Variants in TRHDE observed in about 807,000 individuals in gnomAD.
TRHDE encodes the protein thyrotropin-releasing hormone-degrading ectoenzyme.
A neutral mutation model predicts 125.7 loss-of-function variants in TRHDE; 72 were observed. That is an observed-to-expected ratio of 0.57 (90% CI 0.47 to 0.70). TRHDE has a LOEUF of 0.70. TRHDE is among the 30% of genes least tolerant of loss of function. The pLI is 0.00. For synonymous variants in TRHDE, 509 were observed against 509.1 expected (o/e 1.00, Z 0.00); for missense variants, 1,110 against 1,327.1 (o/e 0.84, Z 2.54).
In TRHDE at chr12:72,346,550, G is replaced by A. The variant is rs1332650400; in HGVS notation, c.1189-31445G>A. The stretch of plus-strand genomic sequence containing the variant: ...GGGGGTGCCATTTCCCAATTTGTCT[G>A]CCTGGGAATGGCTCTGTTTTCTCAA... On this transcript the variant is annotated intron_variant, in intron 2 of 18. Transcript: ENST00000261180. 2.0e-5 allele frequency among the ~76,000 whole-genome samples: 3 copies of A among 152,088 alleles called. No individual in the cohort carries two copies. In the East Asian group the frequency reaches 5.9e-4, roughly 30 times the overall value.
chr12:72,241,123 C>T (rs1878469806), intron 2 of TRHDE, among the ~76,000 whole-genome samples: 1 of 152,108 alleles, frequency 6.6e-6, no homozygotes, highest in African/African-American at 2.4e-5. Flanking sequence ...CACCCCACTC[C>T]CAATACAAGC....
In TRHDE at chr12:72,273,639, C is replaced by T; in HGVS notation, c.914+82C>T. 1 of 1,376,952 alleles carries T rather than the reference C, an allele frequency of 7.3e-7. No homozygotes were observed. The highest frequency in any genetic ancestry group is 9.8e-7 in the Non-Finnish European group (1 of 1,017,576). 85.3% of individuals were successfully genotyped at this position (1,376,952 alleles called of 1,614,324 possible). Reference sequence around the variant, plus strand: ...TGGGCGGCCTGCGACCCCGGGGACCCAGCTGGCTTCCAATACCCGGGAAGC... The same window carrying T: ...TGGGCGGCCTGCGACCCCGGGGACCTAGCTGGCTTCCAATACCCGGGAAGC... On this transcript the variant is annotated intron_variant, in intron 1 of 18. Coordinates refer to ENST00000261180, the MANE Select transcript of TRHDE (RefSeq NM_013381.3). This position sits in a 1 kb window ranked among gnomAD's most constrained non-coding sequence, Gnocchi z 5.3.
chr12:72,143,463 A>G (rs1274764666), intron 2 of TRHDE, among the ~76,000 whole-genome samples: 1 of 151,984 alleles, frequency 6.6e-6, no homozygotes, highest in Non-Finnish European at 1.5e-5. Context: ...TTTTCTGAGA[A>G]TTATGAGTAT....
At chr12:72,216,445 A>G (rs1403309) in intron 2 of TRHDE, among the ~76,000 whole-genome samples, 43,379 of 152,014 alleles carry the variant, frequency 0.29, 6,608 homozygotes, top group African/African-American at 0.33. Context: ...GGAGAAGCCA[A>G]GATAAAAGTC....
At chr12:72,316,955 G>A (rs1193194731) in intron 2 of TRHDE, among the ~76,000 whole-genome samples, 1 of 152,122 alleles carries the variant, frequency 6.6e-6, no homozygotes, top group Non-Finnish European at 1.5e-5. Context: ...AGATGAAGAT[G>A]TTTGGGCCTA....
chr12:72,598,863 T>A (rs1872090584), intron 12 of TRHDE, among the ~76,000 whole-genome samples: 1 of 151,998 alleles, frequency 6.6e-6, no homozygotes, highest in African/African-American at 2.4e-5. Flanking sequence ...AGTAAGTTTT[T>A]TAACCCTTGC....
intron 2 of TRHDE, among the ~76,000 whole-genome samples, chr12:72,321,424 A>C (rs1439369198): frequency 6.6e-6 from 1 of 152,184 alleles, no homozygotes; most frequent in Non-Finnish European, 1.5e-5. Context: ...AAAAAGATAC[A>C]TAAAGTGGGT....
At chr12:72,589,914 C>T (rs1483117990) in intron 12 of TRHDE, among the ~76,000 whole-genome samples, 2 of 151,648 alleles carry the variant, frequency 1.3e-5, no homozygotes, top group Non-Finnish European at 2.9e-5. Flanking sequence ...TTATTGTTTA[C>T]TTCTGTCTGC....
chr12:72,357,595 T>C (rs1402540473), intron 2 of TRHDE, among the ~76,000 whole-genome samples: 1 of 151,582 alleles, frequency 6.6e-6, no homozygotes, highest in African/African-American at 2.4e-5. Flanking sequence ...ACAGTTTCTT[T>C]ATGCATTCAT....
intron 2 of TRHDE, among the ~76,000 whole-genome samples, chr12:72,137,947 T>G (rs1002394269): frequency 1.2e-4 from 18 of 152,108 alleles, no homozygotes; most frequent in Admixed American, 6.5e-5. Context: ...GGTAAGAAAG[T>G]GAAAATGGCA....
intron 15 of TRHDE, among the ~76,000 whole-genome samples, chr12:72,634,145 C>G (rs1873617489): frequency 6.6e-6 from 1 of 152,062 alleles, no homozygotes; most frequent in Non-Finnish European, 1.5e-5. Context: ...GAATTATTAT[C>G]CCCATTTTCC....
intron 3 of TRHDE, among the ~76,000 whole-genome samples, chr12:72,395,328 C>T (rs1872747971): frequency 6.6e-6 from 1 of 152,136 alleles, no homozygotes; most frequent in Non-Finnish European, 1.5e-5. Context: ...CCTTAATCTT[C>T]TCAGTTCTAT....
intron 2 of TRHDE, among the ~76,000 whole-genome samples, chr12:72,138,840 A>G (rs1231922496): frequency 6.6e-6 from 1 of 152,188 alleles, no homozygotes; most frequent in East Asian, 1.9e-4. Flanking sequence ...CCTGGTGGAC[A>G]TTCCCATTTT....
chr12:72,183,221 T>A (rs1877131174), intron 2 of TRHDE, among the ~76,000 whole-genome samples: 1 of 152,250 alleles, frequency 6.6e-6, no homozygotes, highest in Non-Finnish European at 1.5e-5. Flanking sequence ...CAACACTGTG[T>A]TATGTACCCG....
At chr12:72,383,278 A>T (rs962133736) in intron 3 of TRHDE, among the ~76,000 whole-genome samples, 1 of 151,882 alleles carries the variant, frequency 6.6e-6, no homozygotes, top group African/African-American at 2.4e-5. Context: ...ATCTTTTTTT[A>T]TATCCCAAAA....
intron 12 of TRHDE, among the ~76,000 whole-genome samples, chr12:72,585,600 C>T (rs1428833797): frequency 1.3e-5 from 2 of 152,172 alleles, no homozygotes; most frequent in Non-Finnish European, 2.9e-5. Context: ...CTAAAGCATA[C>T]CTGGTTTTGC....
At chr12:72,405,469 C>T (rs566654295) in intron 3 of TRHDE, among the ~76,000 whole-genome samples, 1 of 152,168 alleles carries the variant, frequency 6.6e-6, no homozygotes, top group African/African-American at 2.4e-5. Flanking sequence ...ATTGGTATCT[C>T]TGGTCTCTAA....
intron 3 of TRHDE, among the ~76,000 whole-genome samples, chr12:72,413,693 A>G (rs1003784778): frequency 2.0e-5 from 3 of 152,054 alleles, no homozygotes; most frequent in African/African-American, 7.2e-5. Context: ...TAATACACAC[A>G]TTAAATCTTA....
chr12:72,313,692 G>C (rs1341514434), intron 2 of TRHDE, among the ~76,000 whole-genome samples: 2 of 152,182 alleles, frequency 1.3e-5, no homozygotes, highest in African/African-American at 2.4e-5. Flanking sequence ...TTGAGGGACA[G>C]TTCTCTAAGG....
Sources: allele counts gnomAD v4.1 joint callset (sites outside exome capture counted in the v4.1 genomes callset), GRCh38; gene constraint gnomAD v4.1.1; non-coding constraint Gnocchi (gnomAD v3.1); transcripts MANE v1.5; gene names NCBI Gene and HGNC (gene_info 2026-07-23, HGNC 2026-07-21).